RTTN: variants seen among roughly 807,000 people sequenced by gnomAD.
The protein encoded by RTTN is rotatin.
A neutral mutation model predicts 269.2 loss-of-function variants in RTTN; 182 were observed. The ratio of observed to expected loss-of-function variants is 0.68; its 90% CI spans 0.60 to 0.76. The LOEUF is 0.76. Among genes scored for constraint, RTTN ranks in the 30% least tolerant of loss-of-function variants. The pLI is 0.00. For missense variants in RTTN, 2,545 were observed against 2,608.6 expected (o/e 0.98, Z 0.53); for synonymous variants, 1,006 against 963.5 (o/e 1.04, Z -0.82).
rs376059192 is a variant in RTTN at position 70,075,363 on chromosome 18, T to C, written c.4553A>G (p.Asn1518Ser). The C allele has an allele frequency of 7.6e-6, 12 of 1,576,740 alleles. No homozygotes were observed. In the South Asian group the frequency reaches 1.1e-4, roughly 14 times the overall value. The change falls in exon 33 of 49, where the codon AAT becomes AGT. Residue 1518 changes from asparagine (N) to serine (S), a missense_variant. Physicochemically the swap from Asn to Ser is conservative, Grantham distance 46. Coordinates refer to ENST00000640769, the MANE Select transcript of RTTN (RefSeq NM_173630.4). ...FSAFDRNSES[N>S]DLNGLDDSFK... is the part of the protein sequence containing the mutation. The stretch of plus-strand genomic sequence containing the variant: ...GATATCGTACTTACCATTTAAATCA[T>C]TGCTTTCTGAATTTCTATCAAAAGC...
chr18:70,201,398 C>T (rs892535656), intron 4 of RTTN, among the ~76,000 whole-genome samples: 4 of 151,340 alleles, frequency 2.6e-5, no homozygotes, highest in Non-Finnish European at 5.9e-5. Context: ...GTCAGGAGAT[C>T]GAGACCATCC....
chr18:70,162,405 T>C (rs538558546), intron 14 of RTTN, among the ~76,000 whole-genome samples: 2 of 152,244 alleles, frequency 1.3e-5, no homozygotes, highest in South Asian at 4.1e-4. Flanking sequence ...CACACTGCTA[T>C]AAGGACATAC....
rs375349875 is a variant in RTTN at position 70,054,217 on chromosome 18, G to A, written c.5099C>T (p.Pro1700Leu). 5.0e-6 allele frequency: 8 copies of A among 1,613,820 alleles called. No homozygotes were observed. In the African/African-American group the frequency reaches 1.1e-4, roughly 22 times the overall value. The change falls in exon 38 of 49, where the codon CCT becomes CTT. Residue 1700 changes from proline to leucine, a missense_variant. Pro to Leu is a moderately conservative substitution (Grantham distance 98). Transcript: ENST00000640769. ...RLLQSCLLVEPDLVIQDELVK... is the reference protein window; with the variant it reads ...RLLQSCLLVELDLVIQDELVK... ...AAGCTCATCCTGAATCACAAGGTCA[G>A]GCTCCACCAATAAACATGACTGCAG...
intron 46 of RTTN, among the ~76,000 whole-genome samples, chr18:70,009,260 T>C (rs930636927): frequency 6.6e-6 from 1 of 152,032 alleles, no homozygotes; most frequent in African/African-American, 2.4e-5. Context: ...CTCGGCCTCC[T>C]GAGTAGCTGG....
chr18:70,203,871 G>A (rs1022659061), intron 3 of RTTN, among the ~76,000 whole-genome samples: 2 of 152,140 alleles, frequency 1.3e-5, no homozygotes, highest in Admixed American at 6.5e-5. Flanking sequence ...CACTGGCATC[G>A]TTTAGGCCTG....
intron 11 of RTTN, among the ~76,000 whole-genome samples, chr18:70,174,859 A>G (rs1036611299): frequency 8.8e-6 from 1 of 113,522 alleles, no homozygotes; most frequent in Non-Finnish European, 1.8e-5. Context: ...GGTCTCTACT[A>G]AAAAAAAAAA....
In RTTN at chr18:70,109,717, C is replaced by T. The variant is rs189972586; in HGVS notation, c.3684G>A (p.Arg1228=). 6.2e-7 allele frequency: 1 copy of T among 1,613,236 alleles called. No individual in the cohort carries two copies. ...LLLNFMEVTD[R]KCSELLYVFQ... is the part of the protein sequence containing the mutation. ...AAACGTAAAGAAGTTCCGAGCATTT[C>T]CTATGTATGCAAAAGAGGGAAAATC... Residue 1228 remains arginine, a splice_region_variant and synonymous_variant, in exon 28 of 49, where the codon AGG becomes AGA. Transcript: ENST00000640769.
intron 11 of RTTN, among the ~76,000 whole-genome samples, chr18:70,172,652 T>A (rs1024909064): frequency 1.3e-5 from 2 of 152,150 alleles, no homozygotes; most frequent in Non-Finnish European, 2.9e-5. Context: ...GATAATTGAT[T>A]TGTTTTTAAA....
In RTTN at chr18:70,065,929, A is replaced by G. The variant is rs565959799; in HGVS notation, c.4654-7T>C. 25 of 1,569,284 alleles carry G rather than the reference A, an allele frequency of 1.6e-5. No individual in the cohort carries two copies. In the South Asian group the frequency reaches 2.9e-4, roughly 18 times the overall value. ...TCCCCAATGAAGGTGCCACCTATGA[A>G]TCAGTAAATTATTTTACTTATTAAT... On this transcript the variant is annotated splice_polypyrimidine_tract_variant and splice_region_variant and intron_variant, in intron 34 of 48. Transcript: ENST00000640769.
intron 7 of RTTN, chr18:70,194,198 G>T (rs1019479541): frequency 6.6e-6 from 1 of 152,126 alleles, no homozygotes; most frequent in Admixed American, 6.5e-5. Context: ...AGATTCATTG[G>T]TCATTAATTA....
intron 30 of RTTN, among the ~76,000 whole-genome samples, chr18:70,090,015 AC>A (rs1483145786): frequency 2.1e-4 from 32 of 152,210 alleles, no homozygotes; most frequent in Non-Finnish European, 3.8e-4. Flanking sequence ...GTGGCTGAAT[AC>A]CCATTTAAGA....
intron 16 of RTTN, 86 bp from the exon 17 acceptor site, chr18:70,149,123 C>T (rs942998038): frequency 2.5e-5 from 29 of 1,145,082 alleles, no homozygotes; most frequent in Non-Finnish European, 3.5e-5. Context: ...ATTGTCCTAT[C>T]AGCAACTCAT....
At chr18:70,165,265 A>C (rs2060954481) in intron 14 of RTTN, among the ~76,000 whole-genome samples, 1 of 151,670 alleles carries the variant, frequency 6.6e-6, no homozygotes, top group Non-Finnish European at 1.5e-5. Flanking sequence ...TATACTAATC[A>C]TGCTATATAT....
chr18:70,113,294 G>A (rs991361341), intron 27 of RTTN, among the ~76,000 whole-genome samples: 9 of 152,190 alleles, frequency 5.9e-5, no homozygotes, highest in African/African-American at 1.7e-4. Flanking sequence ...ATAAGAACAT[G>A]AGAAGATGCT....
At chr18:70,082,486 T>C (rs1422801972) in intron 32 of RTTN, among the ~76,000 whole-genome samples, 2 of 152,148 alleles carry the variant, frequency 1.3e-5, no homozygotes, top group African/African-American at 2.4e-5. Context: ...CTAAAATTGG[T>C]TGTTAAAGTT....
At chr18:70,094,212 GTCTA>G (rs1401136980) in intron 28 of RTTN, among the ~76,000 whole-genome samples, 1 of 152,078 alleles carries the variant, frequency 6.6e-6, no homozygotes, top group African/African-American at 2.4e-5. Context: ...CAGGCTAGTG[GTCTA>G]TCTATTTTGT....
chr18:70,172,518 A>G (rs1007860050), intron 11 of RTTN, among the ~76,000 whole-genome samples: 1 of 152,204 alleles, frequency 6.6e-6, no homozygotes, highest in African/African-American at 2.4e-5. Context: ...TAAAGTACTT[A>G]GTCAATTAAT....
At chr18:70,118,425 AAGG>A (rs1406178680) in intron 26 of RTTN, among the ~76,000 whole-genome samples, 1 of 152,072 alleles carries the variant, frequency 6.6e-6, no homozygotes, top group African/African-American at 2.4e-5. Flanking sequence ...GACCAATAAT[AAGG>A]AGATTAAATC....
At chr18:70,145,873 C>T in intron 17 of RTTN, 90 bp from the exon 18 acceptor site, 2 of 1,001,212 alleles carry the variant, frequency 2.0e-6, no homozygotes, top group South Asian at 4.1e-5. Context: ...TATATATCAA[C>T]AAAGTACAAT....
Sources: allele counts gnomAD v4.1 joint callset (sites outside exome capture counted in the v4.1 genomes callset), GRCh38; gene constraint gnomAD v4.1.1; transcripts MANE v1.5; gene names NCBI Gene and HGNC (gene_info 2026-07-23, HGNC 2026-07-21).